The following PON2 variants were observed in gnomAD, a reference collection of about 807,000 sequenced individuals.
PON2 encodes paraoxonase 2.
Under a neutral mutation model 36.6 loss-of-function variants are expected in PON2, and 27 were observed. That is an observed-to-expected ratio of 0.74 (90% confidence interval 0.54 to 1.02). The LOEUF is 1.02. Ranked by LOEUF, PON2 falls within the 50% of genes least tolerant of loss-of-function variation. The probability of loss-of-function intolerance (pLI) is 0.00; values close to 1 mark genes in which losing one functional copy is unlikely to be tolerated. For synonymous variants in PON2, 149 were observed against 156.3 expected, an observed-to-expected ratio of 0.95 and a Z score of 0.35; for missense variants, 363 against 421.1, an observed-to-expected ratio of 0.86 and a Z score of 1.21.
At chr7:95,432,794 A>G (rs909892237) in intron 1 of PON2, among the ~76,000 whole-genome samples, 1 of 152,102 alleles carries the variant, frequency 6.6e-6, no homozygotes, top group Non-Finnish European at 1.5e-5. Context: ...CTTTCCTCAA[A>G]TCTCACTCCC....
Position 95,412,311 on chromosome 7 carries a change from C to G in PON2, c.367+1G>C, listed in dbSNP as rs1276332815. The stretch of plus-strand genomic sequence containing the variant: ...AATGTTGGTAGCCCATTGGCTCTTA[C>G]CGTTGTCTATGAAAGTGCTGATGCC... On this transcript the variant is annotated splice_donor_variant, in intron 4 of 8. Transcript: ENST00000222572. LOFTEE classifies it high-confidence loss of function. The G allele has an allele frequency of 7.4e-6, 12 of 1,613,884 alleles. No individual in the cohort carries two copies. The highest frequency in any genetic ancestry group is 9.3e-6 in the Non-Finnish European group (11 of 1,179,936).
At chr7:95,430,589 G>A (rs897510965) in intron 1 of PON2, among the ~76,000 whole-genome samples, 1 of 151,748 alleles carries the variant, frequency 6.6e-6, no homozygotes, top group Non-Finnish European at 1.5e-5. Context: ...ATGAGCCACC[G>A]TGCCCGGCCA....
chr7:95,411,525 G>C, intron 5 of PON2, 128 bp downstream of exon 5: 2 of 1,158,372 alleles, frequency 1.7e-6, no homozygotes, highest in Non-Finnish European at 2.5e-6. Flanking sequence ...GGAAATATAA[G>C]CTCTTTAGCT....
At position 95,411,617 on chromosome 7, in the gene PON2, G is replaced by C. The variant is rs759239892; in HGVS notation, c.494+36C>G. 4 of 1,612,834 alleles carry C rather than the reference G, an allele frequency of 2.5e-6. No individual in the cohort carries two copies. The South Asian group carries it at 4.4e-5, about 18-fold the overall frequency. ...CCATAGGGATTGTTTGCAAATGCTG[G>C]GGATAAATTAGAGAAGGAACAAAAT... On this transcript the variant is annotated intron_variant, in intron 5 of 8. Coordinates refer to ENST00000222572, the MANE Select transcript of PON2 (RefSeq NM_000305.3).
chr7:95,430,981 G>T (rs1789428296), intron 1 of PON2, among the ~76,000 whole-genome samples: 1 of 151,708 alleles, frequency 6.6e-6, no homozygotes, highest in Admixed American at 6.6e-5. Flanking sequence ...TGTCATAAAA[G>T]GTGCGAGGCA....
Position 95,405,569 on chromosome 7 carries a change from A to G in PON2, c.907-81T>C, listed in dbSNP as rs1809662456. ...ATCATCAATAAGCCCTGTTTTCCAC[A>G]ATGACACACTGATTAAGGGGACATG... On this transcript the variant is annotated intron_variant, in intron 8 of 8. Transcript: ENST00000222572. 1.1e-5 allele frequency: 15 copies of G among 1,338,062 alleles called. No individual in the cohort carries two copies. In the South Asian group the frequency reaches 1.7e-4, roughly 15 times the overall value. The allele number at this position is 1,338,062 out of a possible 1,614,324, so 82.9% of individuals were successfully genotyped here.
chr7:95,405,057 G>A lies in PON2; in HGVS notation c.*273C>T. On this transcript the variant is annotated 3_prime_UTR_variant, in exon 9 of 9. Transcript: ENST00000222572. The stretch of plus-strand genomic sequence containing the variant: ...GAATCCATGTTCTGGCAGTTGGAAG[G>A]CAAAGGTGAGGCTTACTTTGTGCAA... 2.8e-6 allele frequency: 1 copy of A among 363,274 alleles called. No individual in the cohort carries two copies. Among genetic ancestry groups the A allele is most frequent in the Non-Finnish European group, 5.2e-6 (1 of 192,562 alleles). The allele number at this position is 363,274 out of a possible 1,614,324, so 22.5% of individuals were successfully genotyped here. A position where few individuals can be genotyped will look rare whatever the true frequency, so the allele number is the denominator to read the frequency against.
At position 95,410,000 on chromosome 7, in the gene PON2, A is replaced by C; in HGVS notation, c.596T>G (p.Leu199Ter). ...GTAGTAAACAACATTTGCCCAGTGT[A>C]AGTTCAAGTATGTTTCTAAATACTT... ...FLKYLETYLN[L>*]HWANVVYYSP... Residue 199 changes from leucine to a stop codon, truncating the protein, a stop_gained, in exon 6 of 9, where the codon TTA (leucine) becomes TGA (stop). Coordinates refer to ENST00000222572, the MANE Select transcript of PON2 (RefSeq NM_000305.3). LOFTEE classifies it high-confidence loss of function. The C allele has an allele frequency of 6.2e-7, 1 of 1,613,820 alleles. No individual in the cohort carries two copies. The highest frequency in any genetic ancestry group is 8.5e-7 in the Non-Finnish European group (1 of 1,179,780).
intron 3 of PON2, chr7:95,415,370 A>G (rs1307909112): frequency 6.6e-6 from 1 of 152,222 alleles, no homozygotes; most frequent in Non-Finnish European, 1.5e-5. Context: ...TTTCTATTGT[A>G]TACCCAGAAA....
intron 2 of PON2, chr7:95,424,257 A>G: frequency 3.9e-6 from 2 of 507,438 alleles, no homozygotes; most frequent in South Asian, 4.3e-5. Flanking sequence ...AATAGTTCAG[A>G]GAAGTCACAA....
chr7:95,406,381 G>C, intron 7 of PON2, 134 bp from the exon 8 acceptor site: 7 of 965,456 alleles, frequency 7.3e-6, no homozygotes, highest in Non-Finnish European at 1.1e-5. Flanking sequence ...CACCAATATT[G>C]CTTAAAAGGA....
At chr7:95,432,511 T>TA (rs1789466749) in intron 1 of PON2, among the ~76,000 whole-genome samples, 1 of 152,196 alleles carries the variant, frequency 6.6e-6, no homozygotes, top group Admixed American at 6.5e-5. Context: ...CTTTTTTTTT[T>TA]AGATTTGCAG....
At chr7:95,415,734 C>T (rs17876125) in intron 3 of PON2, 2,694 of 172,820 alleles carry the variant, frequency 0.016, 41 homozygotes, top group East Asian at 0.029. Context: ...AGGCGATCAC[C>T]TGAGGTCAGG....
At chr7:95,421,372 G>T (rs1457787726) in intron 2 of PON2, among the ~76,000 whole-genome samples, 1 of 152,150 alleles carries the variant, frequency 6.6e-6, no homozygotes, top group African/African-American at 2.4e-5. Context: ...CAGGGCCAAG[G>T]GCTGTTTAAT....
intron 2 of PON2, 67 bp from the exon 3 acceptor site, chr7:95,416,364 G>T: frequency 6.5e-7 from 1 of 1,528,828 alleles, no homozygotes; most frequent in Non-Finnish European, 9.1e-7. Flanking sequence ...GAGCATAACT[G>T]GGACTCTGTT....
chr7:95,421,546 TAA>T (rs1409010701), intron 2 of PON2, among the ~76,000 whole-genome samples: 1 of 152,214 alleles, frequency 6.6e-6, no homozygotes, highest in Non-Finnish European at 1.5e-5. Flanking sequence ...ATGAAGCTGC[TAA>T]GTTACTTGGG....
intron 3 of PON2, chr7:95,412,746 A>G (rs1351944724): frequency 6.3e-6 from 3 of 472,830 alleles, no homozygotes; most frequent in African/African-American, 3.9e-5. Context: ...TTCCAGGGAG[A>G]GCTGAGGGTG....
At chr7:95,424,998 C>T (rs1022301482) in intron 1 of PON2, among the ~76,000 whole-genome samples, 6 of 152,080 alleles carry the variant, frequency 3.9e-5, no homozygotes, top group Admixed American at 3.3e-4. Context: ...GTAAGCCTCA[C>T]ACAGAGACTG....
At chr7:95,425,383 C>T (rs1789293445) in intron 1 of PON2, among the ~76,000 whole-genome samples, 1 of 152,166 alleles carries the variant, frequency 6.6e-6, no homozygotes, top group South Asian at 2.1e-4. Flanking sequence ...TTCCCCCTCC[C>T]TCTCCACTCT....
Sources: gnomAD v4.1 joint callset for allele counts (sites outside exome capture counted in the v4.1 genomes callset) on GRCh38, gnomAD v4.1.1 for gene constraint, MANE v1.5 for transcripts, NCBI Gene and HGNC (gene_info 2026-07-23, HGNC 2026-07-21) for gene names.